The following MCTP2 variants were observed in gnomAD, a reference collection of about 807,000 sequenced individuals.
The protein encoded by MCTP2 is multiple C2 and transmembrane domain-containing protein 2.
A neutral mutation model predicts 111.6 loss-of-function variants in MCTP2; 132 were observed. The observed-to-expected ratio is 1.18, with a 90% CI of 1.03 to 1.37. The LOEUF (loss-of-function observed/expected upper bound fraction) is 1.37, where lower values mean the gene tolerates loss of function less well. Ranked by LOEUF, MCTP2 falls within the 40% of genes most tolerant of loss-of-function variation. MCTP2 has a pLI of 0.00. For synonymous variants in MCTP2, 395 were observed against 387.7 expected (o/e 1.02, Z -0.22); for missense variants, 1,183 against 1,067.9 (o/e 1.11, Z -1.50).
intron 1 of MCTP2, among the ~76,000 whole-genome samples, chr15:94,239,176 C>T (rs904872218): frequency 2.6e-5 from 4 of 152,082 alleles, no homozygotes; most frequent in Non-Finnish European, 5.9e-5. Context: ...AGCCTGAGAA[C>T]TTGGGTAATA....
intron 1 of MCTP2, among the ~76,000 whole-genome samples, chr15:94,269,384 A>G (rs2073784015): frequency 6.6e-6 from 1 of 152,220 alleles, no homozygotes; most frequent in South Asian, 2.1e-4. Flanking sequence ...AATTGATAGA[A>G]TTTAGGGGTA....
intron 20 of MCTP2, 62 bp downstream of exon 20, chr15:94,458,308 G>A: frequency 2.0e-6 from 2 of 977,584 alleles, no homozygotes; most frequent in Non-Finnish European, 3.3e-6. Context: ...GGACAGTGGG[G>A]TAATGGCAGT....
chr15:94,351,308 A>G (rs2078290379), intron 8 of MCTP2, among the ~76,000 whole-genome samples: 2 of 152,244 alleles, frequency 1.3e-5, no homozygotes, highest in South Asian at 4.1e-4. Flanking sequence ...AGCCTGTTCC[A>G]TGGATGTATG....
At chr15:94,265,135 T>G (rs990779333) in intron 1 of MCTP2, among the ~76,000 whole-genome samples, 9 of 152,222 alleles carry the variant, frequency 5.9e-5, no homozygotes, top group African/African-American at 2.2e-4. Flanking sequence ...TTTACTTAAC[T>G]TCCATATCCA....
chr15:94,238,036 T>C (rs1377676550), intron 1 of MCTP2, among the ~76,000 whole-genome samples: 2 of 152,144 alleles, frequency 1.3e-5, no homozygotes, highest in Non-Finnish European at 2.9e-5. Context: ...CGTATTTCAT[T>C]GATGTGTCAT....
At chr15:94,317,490 C>T (rs942164366) in intron 4 of MCTP2, among the ~76,000 whole-genome samples, 2 of 152,202 alleles carry the variant, frequency 1.3e-5, no homozygotes, top group African/African-American at 4.8e-5. Flanking sequence ...GTGCCTTTGC[C>T]GGGCATTGCT....
chr15:94,470,218 C>T (rs2073802994), intron 20 of MCTP2, 115 bp from the exon 21 acceptor site: 2 of 763,210 alleles, frequency 2.6e-6, no homozygotes, highest in Non-Finnish European at 4.3e-6. Flanking sequence ...AAAATTTTTC[C>T]AATAGACTGT....
intron 15 of MCTP2, 156 bp from the exon 16 acceptor site, chr15:94,399,765 A>G (rs2081465195): frequency 1.6e-6 from 1 of 637,586 alleles, no homozygotes; most frequent in East Asian, 2.7e-5. Flanking sequence ...CTCCAGAAAC[A>G]TGTACAGGGC....
chr15:94,327,288 T>C (rs915055935), intron 4 of MCTP2, among the ~76,000 whole-genome samples: 4 of 152,224 alleles, frequency 2.6e-5, no homozygotes, highest in African/African-American at 9.7e-5. Context: ...AACTGAGTTT[T>C]ACTTGAACCA....
Position 94,298,718 on chromosome 15 carries a change from A to G in MCTP2, c.453A>G (p.Pro151=), listed in dbSNP as rs201415726. Residue 151 remains proline (P), a synonymous_variant, in exon 2 of 23, where the codon CCA becomes CCG. Coordinates refer to ENST00000357742, the MANE Select transcript of MCTP2 (RefSeq NM_001385001.1). ...LQKTSLGGDA[P]EEPEKLCGSS... is the part of the protein sequence containing the mutation. ...AAACTTCCCTTGGAGGGGATGCACC[A>G]GAAGAGCCAGAGGTGAGAATAGGGC... 353 of 1,604,588 alleles carry G rather than the reference A, an allele frequency of 2.2e-4. 7 individuals carry two copies. In the South Asian group the frequency reaches 3.6e-3, roughly 17 times the overall value.
Position 94,360,675 on chromosome 15 carries a change from T to C in MCTP2, c.1301+2063T>C, listed in dbSNP as rs186287470. On this transcript the variant is annotated intron_variant, in intron 10 of 22. Transcript: ENST00000357742. ...TCCTTCACATAATAGGAAACGCTTT[T>C]CCAAATGAGTGTTGGGTTGCTTCAC... Among the ~76,000 whole-genome samples the C allele has an allele frequency of 4.2e-3, 636 of 152,276 alleles. 2 individuals are homozygous for C. The highest frequency in any genetic ancestry group is 0.01 in the South Asian group (49 of 4,822).
At chr15:94,240,395 C>T (rs923090825) in intron 1 of MCTP2, among the ~76,000 whole-genome samples, 1 of 152,116 alleles carries the variant, frequency 6.6e-6, no homozygotes, top group African/African-American at 2.4e-5. Context: ...GCTGTTTCAA[C>T]CATTTCAATC....
chr15:94,451,724 A>T (rs1245609729), intron 19 of MCTP2, among the ~76,000 whole-genome samples: 1 of 152,208 alleles, frequency 6.6e-6, no homozygotes. Flanking sequence ...GTTCAATCTG[A>T]AATGTGTAAA....
intron 22 of MCTP2, among the ~76,000 whole-genome samples, chr15:94,478,182 G>A (rs1475716416): frequency 6.6e-6 from 1 of 152,222 alleles, no homozygotes; most frequent in African/African-American, 2.4e-5. Context: ...GTCGCAGTGT[G>A]AGTTCACACT....
rs189748371 is a variant in MCTP2, at chr15:94,405,752, C to T, written c.2085+3733C>T. ...TCAAGTTTCTATAGACTCAGTTCTTCTTGTTAGGATGAACATTGAAAATCT... is the reference window on the plus strand; with the variant it reads ...TCAAGTTTCTATAGACTCAGTTCTTTTTGTTAGGATGAACATTGAAAATCT... On this transcript the variant is annotated intron_variant, in intron 17 of 22. Coordinates refer to ENST00000357742, the MANE Select transcript of MCTP2 (RefSeq NM_001385001.1). Among the ~76,000 whole-genome samples, 4 of 152,312 alleles carry T rather than the reference C, an allele frequency of 2.6e-5. No individual in the cohort carries two copies. The East Asian group carries it at 7.7e-4, about 29-fold the overall frequency.
chr15:94,401,769 C>T, intron 16 of MCTP2, 131 bp from the exon 17 acceptor site: 1 of 587,418 alleles, frequency 1.7e-6, no homozygotes, highest in Non-Finnish European at 2.7e-6. Context: ...AGGTCTTCTC[C>T]TTTCTATTAT....
At chr15:94,420,594 A>C (rs2082579943) in intron 17 of MCTP2, among the ~76,000 whole-genome samples, 1 of 152,162 alleles carries the variant, frequency 6.6e-6, no homozygotes, top group South Asian at 2.1e-4. Flanking sequence ...GAGTGGAAGA[A>C]GTAAGTTTAG....
intron 4 of MCTP2, among the ~76,000 whole-genome samples, chr15:94,325,250 G>A (rs1186540101): frequency 6.6e-6 from 1 of 151,724 alleles, no homozygotes; most frequent in African/African-American, 2.4e-5. Flanking sequence ...TGTGCTTGTG[G>A]AGACTTGGTG....
At chr15:94,243,754 T>C (rs528061472) in intron 1 of MCTP2, among the ~76,000 whole-genome samples, 10 of 147,750 alleles carry the variant, frequency 6.8e-5, no homozygotes, top group Admixed American at 6.7e-4. Flanking sequence ...TGTATACACA[T>C]GCATATGTGT....
Sources: allele counts gnomAD v4.1 joint callset (sites outside exome capture counted in the v4.1 genomes callset), GRCh38; gene constraint gnomAD v4.1.1; transcripts MANE v1.5; gene names NCBI Gene and HGNC (gene_info 2026-07-23, HGNC 2026-07-21).